Variants in SEC63 observed in about 807,000 individuals in gnomAD.
SEC63 encodes the protein SEC63 protein translocation regulator.
SEC63 carries 56 observed loss-of-function variants against 116.2 expected under a neutral mutation model. The observed-to-expected ratio is 0.48, with a 90% CI of 0.39 to 0.60. SEC63 has a LOEUF of 0.60. Among genes scored for constraint, SEC63 ranks in the 20% least tolerant of loss-of-function variants. The pLI, the probability that SEC63 is intolerant of heterozygous loss-of-function variation, is 0.00. For synonymous variants in SEC63, 273 were observed against 294.6 expected (o/e 0.93, Z 0.75); for missense variants, 668 against 900.0 (o/e 0.74, Z 3.30).
intron 1 of SEC63, among the ~76,000 whole-genome samples, chr6:107,948,862 T>G (rs1343502004): frequency 6.6e-6 from 1 of 152,230 alleles, no homozygotes; most frequent in Non-Finnish European, 1.5e-5. Flanking sequence ...CTCTGATCCA[T>G]TGTCCCTAGC....
At chr6:107,943,921 C>G (rs11969385) in intron 1 of SEC63, among the ~76,000 whole-genome samples, 2 of 152,192 alleles carry the variant, frequency 1.3e-5, no homozygotes, top group African/African-American at 2.4e-5. Flanking sequence ...GAGCTGACTT[C>G]TGTTATAAAG....
intron 20 of SEC63, 91 bp from the exon 21 acceptor site, chr6:107,871,938 C>T: frequency 1.5e-6 from 2 of 1,337,932 alleles, no homozygotes; most frequent in Non-Finnish European, 1.1e-6. Flanking sequence ...TTGACCACAG[C>T]AATTACAAAG....
At position 107,921,911 on chromosome 6, in the gene SEC63, T is replaced by TAGG. The variant is rs1554237211; in HGVS notation, c.340-3_340-2insCCT. The TAGG allele has an allele frequency of 1.6e-5, 20 of 1,258,818 alleles. No homozygotes were observed. The Admixed American group carries it at 3.4e-4, about 22-fold the overall frequency. The allele number at this position is 1,258,818 out of a possible 1,614,324, so 78.0% of individuals were successfully genotyped here. On this transcript the variant is annotated splice_region_variant and splice_polypyrimidine_tract_variant and intron_variant, in intron 3 of 20. Transcript: ENST00000369002. Reference sequence around the variant, plus strand: ...TTTAATTTCTGCTACTGTGGCTCCCTGGGGAAAAACAAAAAAAAAAAACAA... The same window carrying TAGG: ...TTTAATTTCTGCTACTGTGGCTCCCTAGGGGGGAAAAACAAAAAAAAAAAACAA...
rs1169350476 is a variant in SEC63, at chr6:107,868,847, T to C, written c.*2857A>G. The C allele has an allele frequency of 1.3e-5, 2 of 152,208 alleles. No homozygotes were observed. Among genetic ancestry groups the C allele is most frequent in the African/African-American group, 2.4e-5 (1 of 41,450 alleles). 9.4% of individuals were successfully genotyped at this position (152,208 alleles called of 1,614,324 possible). ...ACATAGAAACTCAGTAAATATGTGA[T>C]GAATGACAACCTCTCAAAAATTATG... On this transcript the variant is annotated 3_prime_UTR_variant, in exon 21 of 21. Transcript: ENST00000369002.
chr6:107,911,507 A>G (rs1787283225), intron 6 of SEC63, 111 bp from the exon 7 acceptor site: 1 of 751,664 alleles, frequency 1.3e-6, no homozygotes, highest in Non-Finnish European at 2.4e-6. Context: ...AGGATTCCTC[A>G]TGTATTATCT....
At chr6:107,908,369 G>T (rs1787199052) in intron 8 of SEC63, among the ~76,000 whole-genome samples, 1 of 152,018 alleles carries the variant, frequency 6.6e-6, no homozygotes, top group Non-Finnish European at 1.5e-5. Context: ...TAAGAACTGG[G>T]AATGAAATAC....
chr6:107,877,703 A>C (rs1786314343), intron 18 of SEC63, among the ~76,000 whole-genome samples: 2 of 152,122 alleles, frequency 1.3e-5, no homozygotes, highest in African/African-American at 4.8e-5. Flanking sequence ...AGGCCTCCCA[A>C]AGTGCTAGGA....
chr6:107,913,295 C>A (rs945442028), intron 5 of SEC63, 71 bp downstream of exon 5: 1 of 974,358 alleles, frequency 1.0e-6, no homozygotes, highest in African/African-American at 1.6e-5. Context: ...TAATATTATT[C>A]CTTTAATCTG....
chr6:107,946,437 C>G (rs1770482605), intron 1 of SEC63, among the ~76,000 whole-genome samples: 1 of 152,030 alleles, frequency 6.6e-6, no homozygotes, highest in African/African-American at 2.4e-5. Context: ...CTCTTTACCT[C>G]AAACAATCTG....
intron 4 of SEC63, among the ~76,000 whole-genome samples, chr6:107,918,913 T>C (rs928005015): frequency 1.5e-5 from 2 of 136,520 alleles, no homozygotes; most frequent in African/African-American, 5.3e-5. Flanking sequence ...CCTTTTTTTT[T>C]TTTTTTTTTT....
rs1380879245 is a variant in SEC63 at position 107,869,394 on chromosome 6, AAT to A, written c.*2308_*2309del. On this transcript the variant is annotated 3_prime_UTR_variant, in exon 21 of 21. Transcript: ENST00000369002. ...ATAGGTACTTTACCAATTAGAGAAA[AAT>A]ATCACATAATTTAACTGTTTCAATT... 1 of 152,156 alleles carries A rather than the reference AAT, an allele frequency of 6.6e-6. No individual in the cohort carries two copies. The highest frequency in any genetic ancestry group is 1.5e-5 in the Non-Finnish European group (1 of 68,038). The allele number at this position is 152,156 out of a possible 1,614,324, so 9.4% of individuals were successfully genotyped here.
intron 1 of SEC63, among the ~76,000 whole-genome samples, chr6:107,938,399 T>TTA (rs1770301703): frequency 6.6e-6 from 1 of 151,674 alleles, no homozygotes; most frequent in Non-Finnish European, 1.5e-5. Flanking sequence ...TACAGGAAGA[T>TTA]GCCACTATGC....
intron 4 of SEC63, among the ~76,000 whole-genome samples, chr6:107,917,672 G>A (rs904293575): frequency 3.3e-5 from 5 of 152,310 alleles, no homozygotes; most frequent in Middle Eastern, 3.4e-3. Flanking sequence ...CTGATTTGAA[G>A]AATGTTTCAG....
chr6:107,889,848 C>A (rs897918637), intron 16 of SEC63, among the ~76,000 whole-genome samples: 1 of 152,174 alleles, frequency 6.6e-6, no homozygotes, highest in Non-Finnish European at 1.5e-5. Context: ...ACCCAGTAGT[C>A]ATTCAGGAGC....
At position 107,881,259 on chromosome 6, in the gene SEC63, C is replaced by CA. The variant is rs774043193; in HGVS notation, c.1834-10dup. The CA allele has an allele frequency of 6.4e-6, 10 of 1,573,770 alleles. No individual in the cohort carries two copies. The highest frequency in any genetic ancestry group is 3.3e-5 in the South Asian group (3 of 90,092). On this transcript the variant is annotated splice_polypyrimidine_tract_variant and intron_variant, in intron 17 of 20. Coordinates refer to ENST00000369002, the MANE Select transcript of SEC63 (RefSeq NM_007214.5). ...TGTAATTCTTGCCACTCCTAGTAAA[C>CA]AAAAAAATTAAAATATTTAAAATCT...
intron 5 of SEC63, 81 bp from the exon 6 acceptor site, chr6:107,912,855 A>C (rs1259761191): frequency 2.9e-6 from 3 of 1,031,206 alleles, no homozygotes; most frequent in Non-Finnish European, 3.0e-6. Context: ...TGGGATCTAT[A>C]ATATATCCCA....
chr6:107,938,567 T>C (rs1770306584), intron 1 of SEC63, among the ~76,000 whole-genome samples: 1 of 128,568 alleles, frequency 7.8e-6, no homozygotes. Context: ...TTCTTTTTTC[T>C]TTTTTTTTTT....
At chr6:107,913,218 GC>G (rs771874188) in intron 5 of SEC63, 147 bp downstream of exon 5, 10 of 637,634 alleles carry the variant, frequency 1.6e-5, no homozygotes, top group Non-Finnish European at 2.7e-5. Context: ...GAAAAATAAA[GC>G]AAAAATTAAT....
intron 19 of SEC63, among the ~76,000 whole-genome samples, chr6:107,875,446 C>G (rs887806339): frequency 6.6e-6 from 1 of 152,072 alleles, no homozygotes; most frequent in Non-Finnish European, 1.5e-5. Context: ...CCTGTAATCC[C>G]GGCACTTTGG....
Sources: gnomAD v4.1 joint callset for allele counts (sites outside exome capture counted in the v4.1 genomes callset) on GRCh38, gnomAD v4.1.1 for gene constraint, MANE v1.5 for transcripts, NCBI Gene and HGNC (gene_info 2026-07-23, HGNC 2026-07-21) for gene names.